Variants in DOCK2 observed in about 807,000 individuals in gnomAD.
The protein encoded by DOCK2 is dedicator of cytokinesis protein 2.
A neutral mutation model predicts 248.9 loss-of-function variants in DOCK2; 87 were observed. That is an observed-to-expected ratio of 0.35 (90% CI 0.29 to 0.42). The LOEUF (loss-of-function observed/expected upper bound fraction) is 0.42, where lower values mean the gene tolerates loss of function less well. DOCK2 is among the 10% of genes least tolerant of loss of function. The pLI, the probability that DOCK2 is intolerant of heterozygous loss-of-function variation, is 1.00. For missense variants in DOCK2, 1,747 were observed against 2,300.2 expected (o/e 0.76, Z 4.92); for synonymous variants, 805 against 821.6 (o/e 0.98, Z 0.35).
intron 27 of DOCK2, chr5:169,841,477 C>G: frequency 5.1e-6 from 5 of 983,954 alleles, no homozygotes; most frequent in Non-Finnish European, 6.0e-6. Flanking sequence ...TTTCAGGGGC[C>G]AGTCACCAAC....
At chr5:169,911,794 A>T (rs564597808) in intron 27 of DOCK2, among the ~76,000 whole-genome samples, 99 of 152,338 alleles carry the variant, frequency 6.5e-4, no homozygotes, top group Middle Eastern at 6.8e-3. Flanking sequence ...TCACCAAGTT[A>T]CATCAGCAAG....
At chr5:169,645,350 T>G (rs1244260013) in intron 1 of DOCK2, among the ~76,000 whole-genome samples, 1 of 152,274 alleles carries the variant, frequency 6.6e-6, no homozygotes, top group Non-Finnish European at 1.5e-5. Context: ...AGATGGTATC[T>G]CATTGTGCAT....
At chr5:169,814,215 G>T (rs1767928723) in intron 26 of DOCK2, among the ~76,000 whole-genome samples, 3 of 152,198 alleles carry the variant, frequency 2.0e-5, no homozygotes, top group African/African-American at 4.8e-5. Flanking sequence ...GAAACCACCA[G>T]CAGGGAAACA....
chr5:169,676,220 TG>T (rs1440112406), intron 6 of DOCK2, among the ~76,000 whole-genome samples: 1 of 152,152 alleles, frequency 6.6e-6, no homozygotes, highest in Non-Finnish European at 1.5e-5. Context: ...GAGTAGTAAT[TG>T]CCTCCTTTTT....
intron 29 of DOCK2, among the ~76,000 whole-genome samples, chr5:169,991,152 G>A (rs117594291): frequency 1.3e-4 from 20 of 152,344 alleles, no homozygotes; most frequent in African/African-American, 2.9e-4. Flanking sequence ...GGCTTGCAGC[G>A]CCTGTAGGAC....
chr5:169,938,115 A>G (rs1300873928), intron 27 of DOCK2, among the ~76,000 whole-genome samples: 1 of 152,222 alleles, frequency 6.6e-6, no homozygotes, highest in Non-Finnish European at 1.5e-5. Flanking sequence ...TGGAGGTTAT[A>G]CTTGCAAGAC....
intron 15 of DOCK2, among the ~76,000 whole-genome samples, chr5:169,709,896 C>T (rs1761482665): frequency 6.6e-6 from 1 of 152,184 alleles, no homozygotes; most frequent in South Asian, 2.1e-4. Flanking sequence ...AGAGCACGTC[C>T]CAAAACTCGT....
At chr5:169,718,270 A>G (rs376614356) in intron 21 of DOCK2, among the ~76,000 whole-genome samples, 5 of 152,300 alleles carry the variant, frequency 3.3e-5, no homozygotes, top group Middle Eastern at 3.4e-3. Context: ...AAGAAGAAAC[A>G]TAGAAAGTTC....
chr5:169,902,177 G>A (rs886859952), intron 27 of DOCK2, among the ~76,000 whole-genome samples: 18 of 152,172 alleles, frequency 1.2e-4, no homozygotes, highest in Admixed American at 1.2e-3. Context: ...GTCCAGGAGG[G>A]GAATAACCAG....
chr5:169,771,876 C>T (rs2113772518), intron 25 of DOCK2, among the ~76,000 whole-genome samples: 1 of 152,294 alleles, frequency 6.6e-6, no homozygotes, highest in South Asian at 2.1e-4. Flanking sequence ...AGTTTTGATA[C>T]ATAAATCCTT....
chr5:169,888,023 G>A (rs1396080843), intron 27 of DOCK2, among the ~76,000 whole-genome samples: 1 of 152,134 alleles, frequency 6.6e-6, no homozygotes, highest in Admixed American at 6.5e-5. Context: ...TTTACACAAC[G>A]TTTGATACAA....
chr5:169,725,493 T>A (rs1762419854), intron 22 of DOCK2, among the ~76,000 whole-genome samples: 1 of 133,410 alleles, frequency 7.5e-6, no homozygotes, highest in African/African-American at 2.5e-5. Context: ...TTTATTTATT[T>A]ATTTATTTAT....
chr5:169,761,366 T>C (rs1161107558), intron 24 of DOCK2, 153 bp from the exon 25 acceptor site: 1 of 649,644 alleles, frequency 1.5e-6, no homozygotes, highest in African/African-American at 1.8e-5. Flanking sequence ...GAACAACTTG[T>C]ACATTTTTAC....
At chr5:169,995,549 T>A (rs1024326997) in intron 29 of DOCK2, among the ~76,000 whole-genome samples, 9 of 152,374 alleles carry the variant, frequency 5.9e-5, no homozygotes, top group East Asian at 1.9e-4. Context: ...TATATCTACA[T>A]TCATTGGCCT....
rs1270811305 is a variant in DOCK2, at chr5:170,067,697, C to A, written c.4644+11C>A. On this transcript the variant is annotated intron_variant, in intron 45 of 51. Transcript: ENST00000520908. ...GCCAAGTATGAGAAGGTGAGGATTT[C>A]TGTTCTCCAAGTCTAGGGGAGCTCG... 1 of 1,613,676 alleles carries A rather than the reference C, an allele frequency of 6.2e-7. No individual in the cohort carries two copies. The highest frequency in any genetic ancestry group is 1.1e-5 in the South Asian group (1 of 91,012).
At chr5:169,825,032 C>T in intron 26 of DOCK2, among the ~76,000 whole-genome samples, 1 of 152,198 alleles carries the variant, frequency 6.6e-6, no homozygotes, top group Admixed American at 6.5e-5. Flanking sequence ...CTCATCATCA[C>T]TGGCCATCAG....
intron 45 of DOCK2, 106 bp from the exon 46 acceptor site, chr5:170,069,031 C>A: frequency 1.1e-6 from 1 of 941,642 alleles, no homozygotes; most frequent in Non-Finnish European, 1.7e-6. Flanking sequence ...ATGCCTGTGA[C>A]CTCATCCTTG....
chr5:169,882,595 T>C, intron 27 of DOCK2: 3 of 1,551,376 alleles, frequency 1.9e-6, no homozygotes, highest in Non-Finnish European at 2.6e-6. Flanking sequence ...TTGAATTACA[T>C]TCAAAAGGAC....
At chr5:169,954,836 C>T (rs1776798851) in intron 27 of DOCK2, among the ~76,000 whole-genome samples, 1 of 152,236 alleles carries the variant, frequency 6.6e-6, no homozygotes, top group Non-Finnish European at 1.5e-5. Context: ...TCCACCCAGG[C>T]TGCAAGTGTG....
Sources: allele counts gnomAD v4.1 joint callset (sites outside exome capture counted in the v4.1 genomes callset), GRCh38; gene constraint gnomAD v4.1.1; transcripts MANE v1.5; gene names NCBI Gene and HGNC (gene_info 2026-07-23, HGNC 2026-07-21).